Variants in NIBAN1 observed in about 807,000 individuals in gnomAD.
NIBAN1 encodes the protein niban apoptosis regulator 1, also known as protein Niban 1.
A neutral mutation model predicts 75.1 loss-of-function variants in NIBAN1; 81 were observed. That is an observed-to-expected ratio of 1.08 (90% CI 0.90 to 1.30). The LOEUF (loss-of-function observed/expected upper bound fraction) is 1.30, where lower values mean the gene tolerates loss of function less well. Ranked by LOEUF, NIBAN1 falls within the 50% of genes most tolerant of loss-of-function variation. The pLI is 0.00. For missense variants in NIBAN1, 1,133 were observed against 1,128.1 expected, an observed-to-expected ratio of 1.00 and a Z score of -0.06; for synonymous variants, 436 against 424.8, an observed-to-expected ratio of 1.03 and a Z score of -0.32.
chr1:184,891,550 A>G (rs1259249293), intron 3 of NIBAN1, among the ~76,000 whole-genome samples: 2 of 152,218 alleles, frequency 1.3e-5, no homozygotes, highest in African/African-American at 4.8e-5. Flanking sequence ...AAACAGTACT[A>G]TGCATTACAT....
At chr1:184,917,109 G>A (rs1429771797) in intron 1 of NIBAN1, among the ~76,000 whole-genome samples, 1 of 152,084 alleles carries the variant, frequency 6.6e-6, no homozygotes, top group Non-Finnish European at 1.5e-5. Context: ...TATGCTGTGC[G>A]CTTGGCTCCG....
At chr1:184,935,120 C>A (rs2102038579) in intron 1 of NIBAN1, among the ~76,000 whole-genome samples, 1 of 150,980 alleles carries the variant, frequency 6.6e-6, no homozygotes, top group African/African-American at 2.5e-5. Context: ...CATTTAATAG[C>A]AGACATTTTT....
At position 184,949,463 on chromosome 1, in the gene NIBAN1, C is replaced by T. The variant is rs550565299; in HGVS notation, c.55+24839G>A. 2.5e-4 allele frequency among the ~76,000 whole-genome samples: 38 copies of T among 152,334 alleles called. 2 individuals carry two copies. The South Asian group carries it at 6.2e-3, about 25-fold the overall frequency. The stretch of plus-strand genomic sequence containing the variant: ...ATTGAGCCCTTATGAACACAGTACA[C>T]GCATAACCTAATTCTCACAACAAAA... On this transcript the variant is annotated intron_variant, in intron 1 of 13. Transcript: ENST00000367511.
At chr1:184,808,641 G>A (rs185646779) in intron 9 of NIBAN1, among the ~76,000 whole-genome samples, 8 of 152,226 alleles carry the variant, frequency 5.3e-5, no homozygotes, top group Admixed American at 3.3e-4. Context: ...CTCAAAAAAC[G>A]CCAGGGAGGT....
chr1:184,798,309 A>T (rs1300246918), intron 12 of NIBAN1, 119 bp from the exon 13 acceptor site: 3 of 598,500 alleles, frequency 5.0e-6, no homozygotes, highest in Non-Finnish European at 8.6e-6. Flanking sequence ...TAAGAGAAGG[A>T]CCATGTTGGC....
At chr1:184,868,425 A>C (rs1406755524) in intron 5 of NIBAN1, 1 of 152,096 alleles carries the variant, frequency 6.6e-6, no homozygotes, top group Non-Finnish European at 1.5e-5. Flanking sequence ...TTTCAACCCC[A>C]CCCCTGCAAC....
chr1:184,857,122 T>A (rs1478901851), intron 5 of NIBAN1, among the ~76,000 whole-genome samples: 1 of 152,198 alleles, frequency 6.6e-6, no homozygotes, highest in East Asian at 1.9e-4. Context: ...GGTGCAGACA[T>A]AAAACTATGT....
chr1:184,812,676 A>G (rs1654417662), intron 9 of NIBAN1, among the ~76,000 whole-genome samples: 1 of 152,220 alleles, frequency 6.6e-6, no homozygotes, highest in Non-Finnish European at 1.5e-5. Flanking sequence ...AGCTCTAAAA[A>G]TTATCTTGAG....
chr1:184,927,965 A>G (rs1657723184), intron 1 of NIBAN1, among the ~76,000 whole-genome samples: 1 of 151,892 alleles, frequency 6.6e-6, no homozygotes, highest in Non-Finnish European at 1.5e-5. Context: ...TCTCACCTGA[A>G]TCCAGCACAG....
chr1:184,829,776 T>C (rs947611292), intron 6 of NIBAN1, among the ~76,000 whole-genome samples: 2 of 152,282 alleles, frequency 1.3e-5, no homozygotes, highest in East Asian at 1.9e-4. Context: ...TAAATATCTA[T>C]TTTCAATGGC....
At chr1:184,862,816 T>C (rs1655850380) in intron 5 of NIBAN1, among the ~76,000 whole-genome samples, 1 of 146,580 alleles carries the variant, frequency 6.8e-6, no homozygotes, top group Non-Finnish European at 1.5e-5. Context: ...AGCCAAGCTA[T>C]CCCACAGTTT....
At chr1:184,916,211 G>A (rs1657378781) in intron 1 of NIBAN1, among the ~76,000 whole-genome samples, 1 of 152,196 alleles carries the variant, frequency 6.6e-6, no homozygotes, top group South Asian at 2.1e-4. Context: ...CATCATTGAA[G>A]CTGATCTGCA....
chr1:184,811,289 G>GA (rs1654368894), intron 9 of NIBAN1, among the ~76,000 whole-genome samples: 1 of 152,110 alleles, frequency 6.6e-6, no homozygotes, highest in African/African-American at 2.4e-5. Flanking sequence ...GCTTAGGTAG[G>GA]AAAAATCATT....
chr1:184,950,500 T>TGCAC lies in NIBAN1; in HGVS notation c.55+23798_55+23801dup, dbSNP rs112196672. 9.4e-3 allele frequency among the ~76,000 whole-genome samples: 1,431 copies of TGCAC among 152,334 alleles called. 15 individuals carry two copies. Among genetic ancestry groups the TGCAC allele is most frequent in the South Asian group, 0.019 (93 of 4,824 alleles). Reference sequence around the variant, plus strand: ...AAAGATGAATTGCTAGAGATCATTATGCACGCTTTCAGCAGCCCATGAAAT... The same window carrying TGCAC: ...AAAGATGAATTGCTAGAGATCATTATGCACGCACGCTTTCAGCAGCCCATGAAAT... On this transcript the variant is annotated intron_variant, in intron 1 of 13. Coordinates refer to ENST00000367511, the MANE Select transcript of NIBAN1 (RefSeq NM_052966.4).
chr1:184,945,061 A>G (rs1341923181), intron 1 of NIBAN1, among the ~76,000 whole-genome samples: 1 of 152,222 alleles, frequency 6.6e-6, no homozygotes, highest in Admixed American at 6.5e-5. Context: ...GAAATGAGAG[A>G]TATGTTCCTA....
intron 5 of NIBAN1, among the ~76,000 whole-genome samples, chr1:184,865,054 A>G (rs1399429856): frequency 6.6e-6 from 1 of 152,056 alleles, no homozygotes; most frequent in Non-Finnish European, 1.5e-5. Context: ...CAAAATCACA[A>G]TGTGATACCA....
chr1:184,813,226 T>G (rs889131207), intron 9 of NIBAN1, among the ~76,000 whole-genome samples: 21 of 152,178 alleles, frequency 1.4e-4, no homozygotes, highest in African/African-American at 5.1e-4. Context: ...TGTAATTATA[T>G]ATGTGTTGTG....
At chr1:184,844,246 A>G (rs1473111044) in intron 5 of NIBAN1, among the ~76,000 whole-genome samples, 1 of 152,208 alleles carries the variant, frequency 6.6e-6, no homozygotes. Flanking sequence ...CACACTTTCT[A>G]CAAGTAAAGG....
At chr1:184,941,196 A>G (rs1274167250) in intron 1 of NIBAN1, among the ~76,000 whole-genome samples, 1 of 152,200 alleles carries the variant, frequency 6.6e-6, no homozygotes, top group Non-Finnish European at 1.5e-5. Context: ...CTATTTGGCA[A>G]TCCTTTCCCT....
Sources: allele counts gnomAD v4.1 joint callset (sites outside exome capture counted in the v4.1 genomes callset), GRCh38; gene constraint gnomAD v4.1.1; transcripts MANE v1.5; gene names NCBI Gene and HGNC (gene_info 2026-07-23, HGNC 2026-07-21).